SYCP2: variants seen among roughly 807,000 people sequenced by gnomAD.
The protein encoded by SYCP2 is synaptonemal complex protein 2, also known as synaptonemal complex lateral element protein.
In SYCP2, 55 loss-of-function variants were observed where a neutral mutation model predicts 211.3. The ratio of observed to expected loss-of-function variants is 0.26; its 90% CI spans 0.21 to 0.33. The LOEUF is 0.33. SYCP2 is among the 10% of genes least tolerant of loss of function. The pLI, the probability that SYCP2 is intolerant of heterozygous loss-of-function variation, is 1.00. For synonymous variants in SYCP2, 570 were observed against 555.2 expected (o/e 1.03, Z -0.37); for missense variants, 1,731 against 1,752.0 (o/e 0.99, Z 0.21).
intron 24 of SYCP2, 52 bp downstream of exon 24, chr20:59,891,938 T>C (rs1406677058): frequency 2.0e-5 from 29 of 1,427,788 alleles, no homozygotes; most frequent in Non-Finnish European, 2.6e-5. Context: ...TCTTATGTTA[T>C]CAAGTAGGCA....
At chr20:59,886,011 A>T (rs561880683) in intron 25 of SYCP2, 47 bp from the exon 26 acceptor site, 1 of 1,395,596 alleles carries the variant, frequency 7.2e-7, no homozygotes, top group African/African-American at 1.4e-5. Context: ...ATCAGTATCA[A>T]TATCATAAAA....
intron 39 of SYCP2, among the ~76,000 whole-genome samples, chr20:59,866,827 AG>A (rs1325886087): frequency 6.6e-6 from 1 of 151,252 alleles, no homozygotes; most frequent in Non-Finnish European, 1.5e-5. Flanking sequence ...TGTTTTCATA[AG>A]AACCCCACAC....
intron 31 of SYCP2, among the ~76,000 whole-genome samples, chr20:59,879,858 T>C (rs796338335): frequency 0.021 from 2,448 of 116,238 alleles, 54 homozygotes; most frequent in African/African-American, 0.076. Flanking sequence ...TATATATATA[T>C]ATATACACAC....
At chr20:59,900,893 C>T (rs2060103904) in intron 16 of SYCP2, 75 bp from the exon 17 acceptor site, 2 of 1,092,578 alleles carry the variant, frequency 1.8e-6, no homozygotes, top group East Asian at 2.5e-5. Flanking sequence ...ATTTTATTTC[C>T]ATTTAATGTA....
intron 33 of SYCP2, 67 bp from the exon 34 acceptor site, chr20:59,875,536 A>G: frequency 8.7e-7 from 1 of 1,154,594 alleles, no homozygotes; most frequent in African/African-American, 1.6e-5. Context: ...ACATAAAACA[A>G]ATTATATTCA....
chr20:59,918,788 C>G (rs896967981), intron 7 of SYCP2, among the ~76,000 whole-genome samples: 28 of 152,082 alleles, frequency 1.8e-4, no homozygotes, highest in African/African-American at 6.5e-4. Flanking sequence ...AAACAGAACA[C>G]TAACTCTGAA....
intron 15 of SYCP2, among the ~76,000 whole-genome samples, chr20:59,902,729 A>T (rs1254757288): frequency 3.9e-5 from 6 of 152,158 alleles, no homozygotes; most frequent in African/African-American, 1.4e-4. Flanking sequence ...ATATGCTCAT[A>T]AAACTTTCAC....
At chr20:59,915,401 G>A in intron 9 of SYCP2, 64 bp downstream of exon 9, 1 of 1,186,212 alleles carries the variant, frequency 8.4e-7, no homozygotes, top group Non-Finnish European at 1.2e-6. Flanking sequence ...ACTCATAGTT[G>A]TCTGTCTTAT....
rs752184059 is a variant in SYCP2 at position 59,880,399 on chromosome 20, T to C, written c.2845A>G (p.Thr949Ala). ...ETEYRCDDSK[T>A]DISWLREPKS... ...GGTTCTCTTAGCCAGCTAATATCAG[T>C]CTTGCTGTCATCACATCTGTACTCT... The change falls in exon 31 of 45, where the codon ACT becomes GCT. Residue 949 changes from threonine to alanine, a missense_variant. This residue lies in a region of SYCP2 where 1,387 missense variants were observed against 1,351.3 expected (regional missense o/e 1.03). Coordinates refer to ENST00000357552, the MANE Select transcript of SYCP2 (RefSeq NM_014258.4). 3.1e-6 allele frequency: 5 copies of C among 1,602,288 alleles called. No individual in the cohort carries two copies. Among genetic ancestry groups the C allele is most frequent in the South Asian group, 1.1e-5 (1 of 90,004 alleles).
At chr20:59,899,973 ACACT>A (rs1449658799) in intron 18 of SYCP2, 161 bp downstream of exon 18, 5 of 730,646 alleles carry the variant, frequency 6.8e-6, no homozygotes, top group African/African-American at 3.5e-5. Context: ...GCTAAGACAC[ACACT>A]ATCTTTTGTT....
intron 35 of SYCP2, among the ~76,000 whole-genome samples, chr20:59,870,609 A>G (rs140787861): frequency 5.3e-4 from 81 of 152,012 alleles, no homozygotes; most frequent in African/African-American, 1.9e-3. Flanking sequence ...TCAATATTGA[A>G]AAATGGCAAT....
chr20:59,908,210 C>T (rs1413166548), intron 14 of SYCP2, among the ~76,000 whole-genome samples: 2 of 152,208 alleles, frequency 1.3e-5, no homozygotes, highest in Non-Finnish European at 2.9e-5. Flanking sequence ...GATCGCACCA[C>T]TGCTCTCCAG....
chr20:59,870,857 C>A (rs1468769291), intron 35 of SYCP2, among the ~76,000 whole-genome samples: 1 of 151,760 alleles, frequency 6.6e-6, no homozygotes, highest in East Asian at 1.9e-4. Context: ...GACTATTCCA[C>A]TCCTGATGTC....
intron 36 of SYCP2, 97 bp from the exon 37 acceptor site, chr20:59,869,022 T>C (rs986448676): frequency 5.4e-5 from 41 of 760,854 alleles, no homozygotes; most frequent in Non-Finnish European, 7.6e-5. Context: ...TAATTTTAAA[T>C]GCTGTCAATT....
chr20:59,882,056 A>T, intron 27 of SYCP2, 39 bp downstream of exon 27: 2 of 1,597,300 alleles, frequency 1.3e-6, no homozygotes. Context: ...AGTCTCTTCA[A>T]ATATGAAGAA....
chr20:59,919,427 A>G (rs571815616), intron 6 of SYCP2, 66 bp downstream of exon 6: 12 of 1,230,148 alleles, frequency 9.8e-6, no homozygotes, highest in Non-Finnish European at 1.4e-5. Context: ...GGGCACAGAG[A>G]ACACAAATTG....
chr20:59,932,505 G>A (rs1164174269), intron 1 of SYCP2, among the ~76,000 whole-genome samples: 6 of 151,992 alleles, frequency 3.9e-5, no homozygotes, highest in African/African-American at 1.2e-4. Context: ...GAGAAAACCC[G>A]TCTCTACTAA....
chr20:59,881,532 C>A, intron 28 of SYCP2, 40 bp from the exon 29 acceptor site: 5 of 1,030,658 alleles, frequency 4.9e-6, no homozygotes, highest in South Asian at 1.8e-5. Flanking sequence ...GTGTCAGTGT[C>A]AAAATAAAAA....
chr20:59,919,283 A>C (rs560229859), intron 6 of SYCP2, 101 bp from the exon 7 acceptor site: 2 of 711,884 alleles, frequency 2.8e-6, no homozygotes, highest in East Asian at 2.8e-5. Context: ...GACAGATTAC[A>C]TTTTAACTCA....
Sources: allele counts gnomAD v4.1 joint callset (sites outside exome capture counted in the v4.1 genomes callset), GRCh38; gene constraint gnomAD v4.1.1; regional missense constraint gnomAD v4.1.1; transcripts MANE v1.5; gene names NCBI Gene and HGNC (gene_info 2026-07-23, HGNC 2026-07-21).